Variants in ADAMTSL1 observed in about 807,000 individuals in gnomAD.
ADAMTSL1 encodes the protein ADAMTS-like protein 1.
Under a neutral mutation model 201.8 loss-of-function variants are expected in ADAMTSL1, and 126 were observed. The ratio of observed to expected loss-of-function variants is 0.62; its 90% CI spans 0.54 to 0.72. The LOEUF (loss-of-function observed/expected upper bound fraction) is 0.72, where lower values mean the gene tolerates loss of function less well. ADAMTSL1 is among the 30% of genes least tolerant of loss of function. The pLI is 0.00. For missense variants in ADAMTSL1, 2,679 were observed against 2,277.8 expected (o/e 1.18, Z -3.59); for synonymous variants, 1,121 against 903.4 (o/e 1.24, Z -4.32).
At chr9:17,911,133 A>C (rs75298474) in intron 1 of ADAMTSL1, among the ~76,000 whole-genome samples, 2,690 of 68,720 alleles carry the variant, frequency 0.039, 715 homozygotes, top group African/African-American at 0.075. Flanking sequence ...CTTCTCACTG[A>C]ATTTCTGCTT....
intron 2 of ADAMTSL1, among the ~76,000 whole-genome samples, chr9:18,284,315 C>T (rs1436984914): frequency 6.6e-6 from 1 of 151,948 alleles, no homozygotes; most frequent in Non-Finnish European, 1.5e-5. Context: ...TTTTTATTTT[C>T]CCCCTTTCTA....
chr9:18,695,674 T>C (rs1163688861), intron 13 of ADAMTSL1, among the ~76,000 whole-genome samples: 1 of 152,244 alleles, frequency 6.6e-6, no homozygotes, highest in South Asian at 2.1e-4. Context: ...TACAACAATT[T>C]ACCAAGTCTT....
rs1030442722 is a variant in ADAMTSL1, at chr9:18,909,615, A to G, written c.*1067A>G. The G allele has an allele frequency of 6.6e-6, 1 of 152,092 alleles. No homozygotes were observed. The highest frequency in any genetic ancestry group is 2.4e-5 in the African/African-American group (1 of 41,384). The allele number at this position is 152,092 out of a possible 1,614,324, so 9.4% of individuals were successfully genotyped here. On this transcript the variant is annotated 3_prime_UTR_variant, in exon 29 of 29. Transcript: ENST00000380548. The stretch of plus-strand genomic sequence containing the variant: ...CACCGAAGGGCCAGGGACTATGGTT[A>G]ACTTATCAACATCAACCCATTAACT...
At chr9:18,167,658 C>T (rs1827693990) in intron 2 of ADAMTSL1, among the ~76,000 whole-genome samples, 2 of 151,876 alleles carry the variant, frequency 1.3e-5, no homozygotes, top group African/African-American at 4.8e-5. Context: ...TTCACTCAAC[C>T]AATACATACA....
intron 1 of ADAMTSL1, among the ~76,000 whole-genome samples, chr9:18,033,367 A>T (rs1481808897): frequency 1.3e-5 from 2 of 152,220 alleles, no homozygotes; most frequent in East Asian, 3.8e-4. Flanking sequence ...ATAAATACAT[A>T]TAATCTGTGT....
intron 2 of ADAMTSL1, 124 bp from the exon 3 acceptor site, chr9:18,533,123 G>C: frequency 3.1e-6 from 2 of 654,140 alleles, no homozygotes. Context: ...AACCCTCTAA[G>C]AACATGCTTA....
chr9:18,325,486 C>G (rs898214952), intron 2 of ADAMTSL1, among the ~76,000 whole-genome samples: 8 of 152,056 alleles, frequency 5.3e-5, no homozygotes, highest in African/African-American at 1.7e-4. Context: ...AAGTCAGACA[C>G]AAAATAAGAT....
At chr9:18,747,534 G>A (rs528082257) in intron 15 of ADAMTSL1, among the ~76,000 whole-genome samples, 2 of 152,090 alleles carry the variant, frequency 1.3e-5, no homozygotes, top group South Asian at 4.2e-4. Flanking sequence ...CAGGCATTCT[G>A]GGCCATGATT....
At chr9:18,466,847 T>A (rs1408583313) in intron 2 of ADAMTSL1, among the ~76,000 whole-genome samples, 1 of 152,178 alleles carries the variant, frequency 6.6e-6, no homozygotes, top group African/African-American at 2.4e-5. Flanking sequence ...GACCATACAG[T>A]GATCTGTTGT....
At chr9:18,846,519 C>G (rs1319272133) in intron 23 of ADAMTSL1, among the ~76,000 whole-genome samples, 7 of 152,160 alleles carry the variant, frequency 4.6e-5, no homozygotes, top group Non-Finnish European at 8.8e-5. Context: ...GGAGGTGGAG[C>G]AAATTGCTGG....
chr9:18,139,119 G>A (rs969583088), intron 1 of ADAMTSL1, among the ~76,000 whole-genome samples: 2 of 152,026 alleles, frequency 1.3e-5, no homozygotes, highest in Non-Finnish European at 2.9e-5. Flanking sequence ...ATGGTTTTTT[G>A]ACTGATTGAC....
intron 2 of ADAMTSL1, among the ~76,000 whole-genome samples, chr9:18,177,933 G>A (rs184913807): frequency 3.9e-5 from 6 of 152,318 alleles, no homozygotes; most frequent in East Asian, 1.9e-4. Context: ...AAGTGTGCAC[G>A]ATGAATACAA....
intron 1 of ADAMTSL1, among the ~76,000 whole-genome samples, chr9:18,485,441 A>G (rs553427396): frequency 4.8e-4 from 73 of 152,338 alleles, no homozygotes; most frequent in African/African-American, 1.5e-3. Flanking sequence ...AAGATAAACA[A>G]GACAGTCTTA....
intron 1 of ADAMTSL1, among the ~76,000 whole-genome samples, chr9:17,917,011 G>C (rs951485041): frequency 6.6e-6 from 1 of 152,012 alleles, no homozygotes; most frequent in African/African-American, 2.4e-5. Context: ...TATTTCATAT[G>C]TTATGCTTTT....
chr9:18,032,596 G>T (rs910453325), intron 1 of ADAMTSL1, among the ~76,000 whole-genome samples: 11 of 152,168 alleles, frequency 7.2e-5, no homozygotes, highest in Non-Finnish European at 1.5e-4. Context: ...GTCAGCAGGG[G>T]CTGCAGCCAG....
chr9:18,138,767 C>T (rs1424666086), intron 1 of ADAMTSL1, among the ~76,000 whole-genome samples: 1 of 152,044 alleles, frequency 6.6e-6, no homozygotes, highest in Non-Finnish European at 1.5e-5. Flanking sequence ...TGCTGGAGCA[C>T]CAGCATTCCA....
intron 19 of ADAMTSL1, among the ~76,000 whole-genome samples, chr9:18,790,714 G>T (rs1407769801): frequency 1.3e-5 from 2 of 152,102 alleles, no homozygotes; most frequent in African/African-American, 4.8e-5. Flanking sequence ...AAGGCATATT[G>T]TCACATAGAA....
intron 5 of ADAMTSL1, among the ~76,000 whole-genome samples, chr9:18,632,511 A>G (rs927968732): frequency 6.6e-6 from 1 of 152,126 alleles, no homozygotes; most frequent in African/African-American, 2.4e-5. Flanking sequence ...AAATGAATGA[A>G]TATGCTTTGG....
intron 7 of ADAMTSL1, among the ~76,000 whole-genome samples, chr9:18,643,345 A>AT (rs1056861934): frequency 1.3e-5 from 2 of 151,586 alleles, no homozygotes; most frequent in South Asian, 2.1e-4. Context: ...GTGATTTGCA[A>AT]TTTTTTTTCC....
Sources: allele counts gnomAD v4.1 joint callset (sites outside exome capture counted in the v4.1 genomes callset), GRCh38; gene constraint gnomAD v4.1.1; transcripts MANE v1.5; gene names NCBI Gene and HGNC (gene_info 2026-07-23, HGNC 2026-07-21).